Variants in GABRB3 observed in about 807,000 individuals in gnomAD.
GABRB3 encodes gamma-aminobutyric acid receptor subunit beta-3.
A neutral mutation model predicts 52.1 loss-of-function variants in GABRB3; 14 were observed. The ratio of observed to expected loss-of-function variants is 0.27; its 90% CI spans 0.18 to 0.42. The LOEUF is 0.42. Ranked by LOEUF, GABRB3 falls within the 10% of genes least tolerant of loss-of-function variation. The pLI is 1.00. For synonymous variants in GABRB3, 260 were observed against 232.3 expected (o/e 1.12, Z -1.08); for missense variants, 307 against 609.1 (o/e 0.50, Z 5.22).
intron 3 of GABRB3, among the ~76,000 whole-genome samples, chr15:26,707,207 G>T (rs1185614666): frequency 1.3e-5 from 2 of 152,030 alleles, no homozygotes; most frequent in African/African-American, 4.8e-5. Flanking sequence ...CTGTGGATAA[G>T]GTTCCCAGTG....
chr15:26,750,409 CA>C (rs1203055368), intron 3 of GABRB3, among the ~76,000 whole-genome samples: 1 of 152,158 alleles, frequency 6.6e-6, no homozygotes, highest in Non-Finnish European at 1.5e-5. Flanking sequence ...GGGTATTCCC[CA>C]CTCAAACTGA....
At chr15:26,667,784 G>C (rs1467722252) in intron 3 of GABRB3, among the ~76,000 whole-genome samples, 1 of 152,094 alleles carries the variant, frequency 6.6e-6, no homozygotes, top group Admixed American at 6.5e-5. Flanking sequence ...AAACTCTGGG[G>C]CTGGGATGCA....
intron 8 of GABRB3, among the ~76,000 whole-genome samples, chr15:26,550,449 T>C (rs543885282): frequency 1.3e-5 from 2 of 152,266 alleles, no homozygotes; most frequent in South Asian, 4.1e-4. Context: ...AGATATCATC[T>C]CACCGCAGTT....
chr15:26,668,216 CCTA>C (rs796369700), intron 3 of GABRB3, among the ~76,000 whole-genome samples: 39 of 152,012 alleles, frequency 2.6e-4, no homozygotes, highest in African/African-American at 9.4e-4. Context: ...AAAGAATATG[CCTA>C]CTCAAAATGA....
intron 3 of GABRB3, among the ~76,000 whole-genome samples, chr15:26,675,785 T>G (rs1156785310): frequency 2.0e-5 from 3 of 152,198 alleles, no homozygotes; most frequent in Middle Eastern, 6.8e-3. Flanking sequence ...TAACTTTGTT[T>G]TTGCTAAAGA....
intron 3 of GABRB3, chr15:26,629,147 A>C (rs1595497010): frequency 1.1e-5 from 16 of 1,515,090 alleles, no homozygotes; most frequent in Non-Finnish European, 1.4e-5. Flanking sequence ...GGGGAGGCGC[A>C]GGGGCGGAGT....
At chr15:26,638,046 A>G (rs1449033390) in intron 3 of GABRB3, among the ~76,000 whole-genome samples, 1 of 152,206 alleles carries the variant, frequency 6.6e-6, no homozygotes, top group Non-Finnish European at 1.5e-5. Context: ...TAAGTGATAT[A>G]TTTAAATAAT....
intron 3 of GABRB3, among the ~76,000 whole-genome samples, chr15:26,666,026 A>AT (rs1262857635): frequency 6.6e-6 from 1 of 152,126 alleles, no homozygotes; most frequent in Admixed American, 6.5e-5. Context: ...TTAGACTGTT[A>AT]TTTTACCAAG....
chr15:26,626,235 C>T (rs745545594), intron 3 of GABRB3, among the ~76,000 whole-genome samples: 3 of 152,124 alleles, frequency 2.0e-5, no homozygotes, highest in East Asian at 1.9e-4. Flanking sequence ...GCAAACTTAT[C>T]GTACAAATGT....
intron 3 of GABRB3, among the ~76,000 whole-genome samples, chr15:26,659,798 A>G (rs765859585): frequency 6.6e-6 from 1 of 152,186 alleles, no homozygotes; most frequent in Non-Finnish European, 1.5e-5. Context: ...ACCGGCCTGC[A>G]CTGGGCCACC....
intron 3 of GABRB3, among the ~76,000 whole-genome samples, chr15:26,731,154 T>C (rs1012594328): frequency 3.9e-5 from 6 of 152,146 alleles, no homozygotes; most frequent in Non-Finnish European, 8.8e-5. Context: ...GATCTCACAG[T>C]TCTGTTTTAA....
intron 4 of GABRB3, chr15:26,614,659 C>A (rs1224811725): frequency 6.6e-6 from 1 of 152,124 alleles, no homozygotes; most frequent in African/African-American, 2.4e-5. Flanking sequence ...GAGTTGATAT[C>A]TTTTCTGAGG....
chr15:26,682,347 C>A (rs940335324), intron 3 of GABRB3, among the ~76,000 whole-genome samples: 1 of 152,142 alleles, frequency 6.6e-6, no homozygotes, highest in African/African-American at 2.4e-5. Context: ...AATGCCCGGG[C>A]GGGTTTCCAT....
chr15:26,595,968 G>A (rs968276323), intron 4 of GABRB3, among the ~76,000 whole-genome samples: 1 of 152,070 alleles, frequency 6.6e-6, no homozygotes, highest in Non-Finnish European at 1.5e-5. Context: ...GCCCCTGTTC[G>A]TAAGTTCTCA....
chr15:26,586,344 G>A (rs955060396), intron 4 of GABRB3, among the ~76,000 whole-genome samples: 29 of 149,576 alleles, frequency 1.9e-4, no homozygotes, highest in African/African-American at 5.4e-4. Context: ...CTGAGTCAAT[G>A]ATTGAAATTA....
At chr15:26,762,819 C>T (rs1011580979) in intron 3 of GABRB3, among the ~76,000 whole-genome samples, 10 of 152,150 alleles carry the variant, frequency 6.6e-5, no homozygotes, top group South Asian at 2.1e-4. Context: ...TTCTATAGGA[C>T]GGTGTTCTCC....
intron 3 of GABRB3, among the ~76,000 whole-genome samples, chr15:26,764,902 A>G (rs954390358): frequency 6.6e-6 from 1 of 152,066 alleles, no homozygotes; most frequent in African/African-American, 2.4e-5. Flanking sequence ...AGGCCGAGGC[A>G]GGTGGATCAC....
At position 26,548,021 on chromosome 15, in the gene GABRB3, T is replaced by C; in HGVS notation, c.1194A>G (p.Ser398=). The change falls in exon 9 of 9, where the codon TCA becomes TCG. Residue 398 remains serine, a synonymous_variant. Coordinates refer to ENST00000311550, the MANE Select transcript of GABRB3 (RefSeq NM_000814.6). ...TGCTCTGTTTCCTGTACTGGATTCC[T>C]GAGTTGTCAAAGGATATTGCTGAAT... ...TRNSAISFDN[S]GIQYRKQSMP... 1.2e-6 allele frequency: 2 copies of C among 1,614,210 alleles called. No homozygotes were observed. The highest frequency in any genetic ancestry group is 1.7e-6 in the Non-Finnish European group (2 of 1,180,034).
At chr15:26,693,836 G>A (rs1408493633) in intron 3 of GABRB3, among the ~76,000 whole-genome samples, 1 of 152,158 alleles carries the variant, frequency 6.6e-6, no homozygotes, top group Non-Finnish European at 1.5e-5. Context: ...ATTCCTGGGG[G>A]CCCAGTCTTA....
Sources: allele counts gnomAD v4.1 joint callset (sites outside exome capture counted in the v4.1 genomes callset), GRCh38; gene constraint gnomAD v4.1.1; transcripts MANE v1.5; gene names NCBI Gene and HGNC (gene_info 2026-07-23, HGNC 2026-07-21).